Variants in AP2B1 observed in about 807,000 individuals in gnomAD.
AP2B1 encodes the protein AP-2 complex subunit beta.
Under a neutral mutation model 102.0 loss-of-function variants are expected in AP2B1, and 23 were observed. That is an observed-to-expected ratio of 0.23 (90% CI 0.16 to 0.32). The LOEUF is 0.32. Ranked by LOEUF, AP2B1 falls within the 10% of genes least tolerant of loss-of-function variation. The pLI is 1.00. For missense variants in AP2B1, 541 were observed against 1,157.4 expected (o/e 0.47, Z 7.73); for synonymous variants, 381 against 421.2 (o/e 0.90, Z 1.17).
At chr17:35,665,607 A>G (rs1454470881) in intron 14 of AP2B1, among the ~76,000 whole-genome samples, 2 of 152,226 alleles carry the variant, frequency 1.3e-5, no homozygotes, top group Non-Finnish European at 2.9e-5. Flanking sequence ...GAAGGGAATC[A>G]TTGTATACTA....
intron 17 of AP2B1, among the ~76,000 whole-genome samples, chr17:35,681,768 G>T (rs1408254361): frequency 6.6e-6 from 1 of 152,162 alleles, no homozygotes; most frequent in Non-Finnish European, 1.5e-5. Flanking sequence ...TATTAAAAAT[G>T]ATATTCATCA....
intron 20 of AP2B1, among the ~76,000 whole-genome samples, chr17:35,714,478 A>G (rs2076512651): frequency 6.6e-6 from 1 of 152,248 alleles, no homozygotes; most frequent in African/African-American, 2.4e-5. Flanking sequence ...GGAAGATCAC[A>G]TCGACACCTT....
Position 35,680,700 on chromosome 17 carries a change from G to GTT in AP2B1, c.2325-1980_2325-1979dup, listed in dbSNP as rs1176447688. On this transcript the variant is annotated intron_variant, in intron 17 of 21. Coordinates refer to ENST00000610402, the MANE Select transcript of AP2B1 (RefSeq NM_001030006.2). ...CTATGGTTTTGGTTTTTTTTTTTTTGTTTTTTTTTTTTTTTTCAGACAGTC... is the reference window on the plus strand; with the variant it reads ...CTATGGTTTTGGTTTTTTTTTTTTTGTTTTTTTTTTTTTTTTTTCAGACAGTC... Among the ~76,000 whole-genome samples, 21 of 128,908 alleles carry GTT rather than the reference G, an allele frequency of 1.6e-4. 1 individual carries two copies. The highest frequency in any genetic ancestry group is 1.5e-4 in the Non-Finnish European group (9 of 61,822). The allele number at this position is 128,908 out of a possible 152,430, so 84.6% of individuals were successfully genotyped here.
intron 1 of AP2B1, among the ~76,000 whole-genome samples, chr17:35,593,418 G>A (rs981935010): frequency 6.9e-6 from 1 of 145,782 alleles, no homozygotes; most frequent in Non-Finnish European, 1.5e-5. Context: ...GTACCTATAC[G>A]CACCTACTAA....
chr17:35,700,079 G>GAGC (rs2143002449), intron 18 of AP2B1, among the ~76,000 whole-genome samples: 1 of 152,160 alleles, frequency 6.6e-6, no homozygotes, highest in East Asian at 1.9e-4. Flanking sequence ...CTGGGTGACA[G>GAGC]AGCAAGACCC....
intron 20 of AP2B1, among the ~76,000 whole-genome samples, chr17:35,711,614 G>A (rs1030631499): frequency 2.6e-5 from 4 of 151,916 alleles, no homozygotes; most frequent in Non-Finnish European, 5.9e-5. Flanking sequence ...GACTACAGGC[G>A]CCAGCCACCA....
chr17:35,627,569 G>A (rs536608720), intron 8 of AP2B1, 62 bp from the exon 9 acceptor site: 4 of 1,613,184 alleles, frequency 2.5e-6, no homozygotes, highest in Admixed American at 1.7e-5. Context: ...CTTTAAAGAA[G>A]CTAGGCTGTG....
chr17:35,682,500 G>A (rs113469188), intron 17 of AP2B1, among the ~76,000 whole-genome samples, 195 bp from the exon 18 acceptor site: 5 of 151,536 alleles, frequency 3.3e-5, no homozygotes, highest in Admixed American at 6.6e-5. Context: ...CCGCCACCAC[G>A]CCCGGCTAAT....
Position 35,641,353 on chromosome 17 carries a change from G to A in AP2B1, c.1438-524G>A, listed in dbSNP as rs114723463. On this transcript the variant is annotated intron_variant, in intron 11 of 21. Coordinates refer to ENST00000610402, the MANE Select transcript of AP2B1 (RefSeq NM_001030006.2). ...TTTGGAAGGCTGATGCGGGAGAATC[G>A]CTTCAAGCCAGGGCTATGAGACCAG... Among the ~76,000 whole-genome samples, 754 of 152,242 alleles carry A rather than the reference G, an allele frequency of 5.0e-3. 7 individuals are homozygous for A. The highest frequency in any genetic ancestry group is 0.017 in the African/African-American group (709 of 41,558).
At chr17:35,645,993 T>C (rs1413180453) in intron 12 of AP2B1, among the ~76,000 whole-genome samples, 1 of 152,226 alleles carries the variant, frequency 6.6e-6, no homozygotes, top group African/African-American at 2.4e-5. Flanking sequence ...TTGTTAAAAA[T>C]ACTAATTACT....
intron 14 of AP2B1, among the ~76,000 whole-genome samples, chr17:35,664,048 C>T (rs2075410819): frequency 6.6e-6 from 1 of 152,078 alleles, no homozygotes; most frequent in Non-Finnish European, 1.5e-5. Context: ...GCATGAGCCA[C>T]TATGCCTGGT....
chr17:35,602,925 CGTT>C lies in AP2B1; in HGVS notation c.144-2776_144-2774del, dbSNP rs202185614. Reference sequence around the variant, plus strand: ...TTAATGTTTAACATTTACTGGTTATCGTTGTTTTGTGCATGAGCTAGTCTAGGA... The same window carrying C: ...TTAATGTTTAACATTTACTGGTTATCGTTTTGTGCATGAGCTAGTCTAGGA... On this transcript the variant is annotated intron_variant, in intron 3 of 21. Coordinates refer to ENST00000610402, the MANE Select transcript of AP2B1 (RefSeq NM_001030006.2). 7.9e-4 allele frequency among the ~76,000 whole-genome samples: 120 copies of C among 152,266 alleles called. No individual in the cohort carries two copies. In the East Asian group the frequency reaches 0.021, roughly 27 times the overall value.
chr17:35,637,108 G>A (rs2074628687), intron 10 of AP2B1, among the ~76,000 whole-genome samples: 1 of 152,180 alleles, frequency 6.6e-6, no homozygotes, highest in Admixed American at 6.5e-5. Context: ...TTGAAAACAA[G>A]TAATTAAGGA....
At chr17:35,704,130 G>A (rs2076294298) in intron 18 of AP2B1, among the ~76,000 whole-genome samples, 1 of 152,156 alleles carries the variant, frequency 6.6e-6, no homozygotes, top group East Asian at 1.9e-4. Flanking sequence ...AGAGCAATCA[G>A]CATCAGGATT....
At chr17:35,696,481 C>G (rs905727772) in intron 18 of AP2B1, among the ~76,000 whole-genome samples, 2 of 147,314 alleles carry the variant, frequency 1.4e-5, no homozygotes, top group Non-Finnish European at 3.0e-5. Context: ...CATCTTGGCT[C>G]ACTGCAACCT....
chr17:35,633,873 G>A (rs918589509), intron 9 of AP2B1, among the ~76,000 whole-genome samples: 11 of 152,130 alleles, frequency 7.2e-5, no homozygotes, highest in African/African-American at 2.4e-4. Flanking sequence ...TGGGCCAGGC[G>A]CTGTGGCTCA....
At position 35,716,495 on chromosome 17, in the gene AP2B1, A is replaced by G. The variant is rs149342253; in HGVS notation, c.2627-700A>G. ...GGGATCTTAGGATCTAGCAGCAGTC[A>G]CCTTTGCACAGCTTCAGTCTTTCTC... On this transcript the variant is annotated intron_variant, in intron 20 of 21. Transcript: ENST00000610402. Among the ~76,000 whole-genome samples the G allele has an allele frequency of 1.1e-3, 171 of 152,160 alleles. 2 individuals carry two copies. The highest frequency in any genetic ancestry group is 3.4e-3 in the African/African-American group (143 of 41,516).
intron 18 of AP2B1, among the ~76,000 whole-genome samples, chr17:35,691,647 A>G (rs1380136965): frequency 2.0e-5 from 3 of 152,234 alleles, no homozygotes; most frequent in Non-Finnish European, 2.9e-5. Context: ...TCTTTCGGAA[A>G]CTATATAGCG....
intron 16 of AP2B1, 26 bp downstream of exon 16, chr17:35,671,926 A>T: frequency 1.2e-6 from 2 of 1,609,934 alleles, no homozygotes; most frequent in Non-Finnish European, 1.7e-6. Flanking sequence ...ACATAGCAAT[A>T]CTTTCTTAAT....
Sources: allele counts gnomAD v4.1 joint callset (sites outside exome capture counted in the v4.1 genomes callset), GRCh38; gene constraint gnomAD v4.1.1; transcripts MANE v1.5; gene names NCBI Gene and HGNC (gene_info 2026-07-23, HGNC 2026-07-21).